AKAP6: variants seen among roughly 807,000 people sequenced by gnomAD.
AKAP6 encodes the protein A-kinase anchoring protein 6.
A neutral mutation model predicts 188.5 loss-of-function variants in AKAP6; 58 were observed. The observed-to-expected ratio is 0.31, with a 90% CI of 0.25 to 0.38. The LOEUF is 0.38. AKAP6 is among the 10% of genes least tolerant of loss of function. The probability of loss-of-function intolerance (pLI) is 1.00; values close to 1 mark genes in which losing one functional copy is unlikely to be tolerated. For missense variants in AKAP6, 2,710 were observed against 2,740.0 expected, an observed-to-expected ratio of 0.99 and a Z score of 0.24; for synonymous variants, 989 against 998.6, an observed-to-expected ratio of 0.99 and a Z score of 0.18.
intron 1 of AKAP6, among the ~76,000 whole-genome samples, chr14:32,431,574 C>A (rs1212186165): frequency 2.0e-5 from 3 of 152,100 alleles, no homozygotes; most frequent in African/African-American, 7.2e-5. Context: ...ATGGTGCAAT[C>A]TCGGCTCAGC....
intron 12 of AKAP6, among the ~76,000 whole-genome samples, chr14:32,815,319 G>T (rs569082416): frequency 6.6e-6 from 1 of 152,106 alleles, no homozygotes; most frequent in East Asian, 1.9e-4. Context: ...CTTTCAAAGC[G>T]TTTTCTGAAC....
intron 2 of AKAP6, among the ~76,000 whole-genome samples, chr14:32,523,791 TAAAAAAAA>T (rs55994452): frequency 1.9e-5 from 2 of 107,148 alleles, no homozygotes; most frequent in African/African-American, 7.0e-5. Flanking sequence ...TCCTCCTGAT[TAAAAAAAA>T]AAAAAAAAAA....
chr14:32,475,676 C>A (rs115481343), intron 2 of AKAP6, among the ~76,000 whole-genome samples: 1,711 of 114,582 alleles, frequency 0.015, 40 homozygotes, highest in African/African-American at 0.054. Context: ...TCATTTTCAG[C>A]TCTTTTTTTT....
chr14:32,611,104 T>A (rs961651665), intron 7 of AKAP6, among the ~76,000 whole-genome samples: 1 of 152,060 alleles, frequency 6.6e-6, no homozygotes, highest in Non-Finnish European at 1.5e-5. Flanking sequence ...GTAAGAGTGA[T>A]AGTCTGGAAG....
At chr14:32,753,601 A>G (rs2032221738) in intron 11 of AKAP6, among the ~76,000 whole-genome samples, 1 of 152,034 alleles carries the variant, frequency 6.6e-6, no homozygotes, top group African/African-American at 2.4e-5. Context: ...CAATGTCAAG[A>G]AACTTTTCCC....
chr14:32,730,400 T>C (rs1486701715), intron 9 of AKAP6, among the ~76,000 whole-genome samples: 1 of 152,220 alleles, frequency 6.6e-6, no homozygotes. Flanking sequence ...TGACTACTTA[T>C]ACGCATTTAA....
intron 2 of AKAP6, among the ~76,000 whole-genome samples, chr14:32,490,114 A>G (rs10141239): frequency 0.67 from 99,569 of 149,072 alleles, 34,713 homozygotes; most frequent in East Asian, 0.88. Context: ...CTTAAGGGTG[A>G]GGGAGGTAAC....
chr14:32,524,658 CT>C (rs1173109817), intron 2 of AKAP6, among the ~76,000 whole-genome samples: 1 of 152,130 alleles, frequency 6.6e-6, no homozygotes, highest in Non-Finnish European at 1.5e-5. Context: ...ATGTTGTTTT[CT>C]GGCGCACAAA....
intron 9 of AKAP6, among the ~76,000 whole-genome samples, chr14:32,713,418 A>G (rs2030001399): frequency 6.6e-6 from 1 of 151,884 alleles, no homozygotes; most frequent in Non-Finnish European, 1.5e-5. Flanking sequence ...CTTTGAAGCT[A>G]GGCATTGACT....
At chr14:32,330,323 C>T (rs935937813) in intron 1 of AKAP6, among the ~76,000 whole-genome samples, 2 of 152,072 alleles carry the variant, frequency 1.3e-5, no homozygotes, top group African/African-American at 4.8e-5. Flanking sequence ...AAACTCTAAA[C>T]ACGTATCATT....
chr14:32,332,105 GTTA>G (rs1460859821), intron 1 of AKAP6, among the ~76,000 whole-genome samples: 2 of 151,948 alleles, frequency 1.3e-5, no homozygotes, highest in Non-Finnish European at 2.9e-5. Context: ...AGGATTAGGT[GTTA>G]TTATTCACAT....
chr14:32,630,462 A>G (rs181684484), intron 7 of AKAP6, among the ~76,000 whole-genome samples: 1 of 152,248 alleles, frequency 6.6e-6, no homozygotes, highest in East Asian at 1.9e-4. Flanking sequence ...GGAATTGGGT[A>G]TCAGCATTGA....
intron 1 of AKAP6, among the ~76,000 whole-genome samples, chr14:32,354,928 C>T (rs1384365374): frequency 6.6e-6 from 1 of 152,178 alleles, no homozygotes; most frequent in Non-Finnish European, 1.5e-5. Flanking sequence ...CAGTTCAGTT[C>T]AGGTGCCCTG....
chr14:32,720,306 G>A (rs2139784167), intron 9 of AKAP6, among the ~76,000 whole-genome samples: 1 of 152,182 alleles, frequency 6.6e-6, no homozygotes, highest in Middle Eastern at 3.4e-3. Context: ...TAGATATTTG[G>A]GTATATTTTA....
intron 2 of AKAP6, among the ~76,000 whole-genome samples, chr14:32,440,185 CT>C (rs1242364960): frequency 6.6e-6 from 1 of 152,026 alleles, no homozygotes; most frequent in African/African-American, 2.4e-5. Flanking sequence ...TGAATTCATC[CT>C]TTTTTATGGC....
At chr14:32,498,848 T>A (rs1594679811) in intron 2 of AKAP6, among the ~76,000 whole-genome samples, 1 of 152,128 alleles carries the variant, frequency 6.6e-6, no homozygotes, top group Non-Finnish European at 1.5e-5. Context: ...CATTTACATA[T>A]GTCCAAAAAG....
At chr14:32,536,791 G>GA (rs749978043) in intron 3 of AKAP6, among the ~76,000 whole-genome samples, 2 of 151,782 alleles carry the variant, frequency 1.3e-5, no homozygotes, top group East Asian at 1.9e-4. Context: ...TATATTTATA[G>GA]AAAAAAAAGT....
intron 2 of AKAP6, among the ~76,000 whole-genome samples, chr14:32,500,457 C>T (rs1036056103): frequency 5.3e-5 from 8 of 152,164 alleles, no homozygotes; most frequent in Non-Finnish European, 8.8e-5. Context: ...ACTTCTGTCA[C>T]TCTGTGACGC....
intron 5 of AKAP6, among the ~76,000 whole-genome samples, chr14:32,579,961 T>A (rs1009045949): frequency 6.8e-4 from 104 of 152,226 alleles, no homozygotes; most frequent in African/African-American, 2.4e-3. Context: ...TGACATTAAA[T>A]CAACAGATAT....
Sources: gnomAD v4.1 joint callset for allele counts (sites outside exome capture counted in the v4.1 genomes callset) on GRCh38, gnomAD v4.1.1 for gene constraint, MANE v1.5 for transcripts, NCBI Gene and HGNC (gene_info 2026-07-23, HGNC 2026-07-21) for gene names.